Variants in ZFY observed in about 807,000 individuals in gnomAD.
ZFY encodes the protein zinc finger Y-chromosomal protein.
For missense variants in ZFY, 113 were observed against 170.9 expected (o/e 0.66, Z 1.89); for synonymous variants, 47 against 55.8 (o/e 0.84, Z 0.71).
intron 1 of ZFY, among the ~76,000 whole-genome samples, chrY:2,952,425 T>A: frequency 2.9e-5 from 1 of 33,905 alleles, no homozygotes; most frequent in Non-Finnish European, 7.3e-5. Flanking sequence ...GAAAAATTAA[T>A]GAAGCCAGAG....
chrY:2,980,195 T>C lies in ZFY; in HGVS notation c.*202T>C. On this transcript the variant is annotated 3_prime_UTR_variant, in exon 8 of 8. Transcript: ENST00000155093. The stretch of plus-strand genomic sequence containing the variant: ...AGTTTCTTTAATAGATGAGGAAAAA[T>C]AGCAACAAGCAAGTTGCTTATAATA... 6 of 144,990 alleles carry C rather than the reference T, an allele frequency of 4.1e-5. No homozygotes were observed. The highest frequency in any genetic ancestry group is 7.6e-5 in the Non-Finnish European group (6 of 78,825). 36.2% of individuals were successfully genotyped at this position (144,990 alleles called of 400,897 possible).
At chrY:2,940,331 C>G (rs994111122) in intron 1 of ZFY, among the ~76,000 whole-genome samples, 1 of 33,251 alleles carries the variant, frequency 3.0e-5, no homozygotes, top group Admixed American at 2.8e-4. Context: ...TAACCAAATC[C>G]TGCTTTATTG....
intron 2 of ZFY, among the ~76,000 whole-genome samples, chrY:2,956,149 TC>T: frequency 3.1e-5 from 1 of 32,526 alleles, no homozygotes; most frequent in South Asian, 6.9e-4. Context: ...TTTTGTTTTT[TC>T]TGAGGGTTCA....
rs751424571 is a variant in ZFY at position 2,961,152 on chromosome Y, A to G, written c.140A>G (p.Asp47Gly). 5.0e-6 allele frequency: 2 copies of G among 397,086 alleles called. No individual in the cohort carries two copies. Among genetic ancestry groups the G allele is most frequent in the Middle Eastern group, 5.9e-4 (1 of 1,705 alleles). The part of the protein sequence containing the change: ...QEAVFVSNIV[D>G]SDITVHNFVP... Reference sequence around the variant, plus strand: ...GCAGTTTTTGTTTCTAATATTGTGGATTCTGACATAACTGTGCATAACTTT... The same window carrying G: ...GCAGTTTTTGTTTCTAATATTGTGGGTTCTGACATAACTGTGCATAACTTT... The change falls in exon 3 of 8, where the codon GAT becomes GGT. Residue 47 changes from aspartate to glycine, a missense_variant. Coordinates refer to ENST00000155093, the MANE Select transcript of ZFY (RefSeq NM_003411.4).
intron 5 of ZFY, among the ~76,000 whole-genome samples, chrY:2,976,391 GAGCC>G (rs2051370727): frequency 3.1e-5 from 1 of 32,374 alleles, no homozygotes; most frequent in African/African-American, 1.2e-4. Context: ...TTACAGGCGT[GAGCC>G]ACTGTGCCCT....
At chrY:2,944,895 G>A in intron 1 of ZFY, among the ~76,000 whole-genome samples, 1 of 30,067 alleles carries the variant, frequency 3.3e-5, no homozygotes, top group South Asian at 7.6e-4. Flanking sequence ...TTACAGGCAT[G>A]GGCCACAATG....
intron 3 of ZFY, among the ~76,000 whole-genome samples, chrY:2,966,671 G>T (rs2051328796): frequency 3.0e-5 from 1 of 33,132 alleles, no homozygotes; most frequent in Non-Finnish European, 7.4e-5. Context: ...TGAATTACAA[G>T]GGATCCATGT....
At position 2,963,398 on chromosome Y, in the gene ZFY, G is replaced by T. The variant is rs756374038; in HGVS notation, c.634+1752G>T. On this transcript the variant is annotated intron_variant, in intron 3 of 7. Transcript: ENST00000155093. The stretch of plus-strand genomic sequence containing the variant: ...ACTGTTACACCCTAAGTGCTATTGA[G>T]ATCAACATGACCTCTTTATATACTC... 2.1e-4 allele frequency among the ~76,000 whole-genome samples: 7 copies of T among 33,144 alleles called. No individual in the cohort carries two copies. The East Asian group carries it at 5.4e-3, about 26-fold the overall frequency. The allele number at this position is 33,144 out of a possible 37,273, so 88.9% of individuals were successfully genotyped here. A position where few individuals can be genotyped will look rare whatever the true frequency, so the allele number is the denominator to read the frequency against.
At chrY:2,976,108 G>GT (rs776753668) in intron 5 of ZFY, among the ~76,000 whole-genome samples, 29 of 23,477 alleles carry the variant, frequency 1.2e-3, no homozygotes, top group African/African-American at 1.2e-3. Flanking sequence ...TACAAGGTGT[G>GT]TTTTTTTTTT....
At chrY:2,975,409 A>G (rs889853105) in intron 4 of ZFY, 102 bp from the exon 5 acceptor site, 8 of 326,288 alleles carry the variant, frequency 2.5e-5, no homozygotes, top group Middle Eastern at 7.0e-4. Flanking sequence ...CTTTTAAGAC[A>G]TATTTTTGAG....
chrY:2,975,558 G>A lies in ZFY; in HGVS notation c.832G>A (p.Val278Ile). The A allele has an allele frequency of 2.5e-6, 1 of 397,748 alleles. No homozygotes were observed. ...VESEPENDHG[V>I]ELLDQNSSIR... The stretch of plus-strand genomic sequence containing the variant: ...GAGTGAACCTGAAAATGATCATGGA[G>A]TTGAACTACTTGATCAGAACAGCAG... The change falls in exon 5 of 8, where the codon GTT becomes ATT. Residue 278 changes from valine (V) to isoleucine (I), a missense_variant. Transcript: ENST00000155093.
Position 2,981,171 on chromosome Y carries a change from T to C in ZFY, c.*1178T>C. ...CAAAGTAAGGAGGACTAAGGGAAAATGATGGTACCATGTAACAGAATGAGA... is the reference window on the plus strand; with the variant it reads ...CAAAGTAAGGAGGACTAAGGGAAAACGATGGTACCATGTAACAGAATGAGA... On this transcript the variant is annotated 3_prime_UTR_variant, in exon 8 of 8. Transcript: ENST00000155093. The C allele has an allele frequency of 3.0e-5, 1 of 32,896 alleles. No homozygotes were observed. Among genetic ancestry groups the C allele is most frequent in the African/African-American group, 1.2e-4 (1 of 8,497 alleles). 8.2% of individuals were successfully genotyped at this position (32,896 alleles called of 400,897 possible).
intron 2 of ZFY, among the ~76,000 whole-genome samples, chrY:2,954,793 A>G (rs2051288378): frequency 3.0e-5 from 1 of 32,787 alleles, no homozygotes; most frequent in African/African-American, 1.2e-4. Context: ...AAGAATATCC[A>G]TACTTTTAGC....
chrY:2,938,983 TTATATATATATA>T (rs765202788), intron 1 of ZFY, among the ~76,000 whole-genome samples: 237 of 5,214 alleles, frequency 0.045, no homozygotes, highest in South Asian at 0.18. Flanking sequence ...CATACAGTGC[TTATATATATATA>T]TATATATATA....
chrY:2,951,998 G>A, intron 1 of ZFY, among the ~76,000 whole-genome samples: 3 of 29,091 alleles, frequency 1.0e-4, no homozygotes, highest in African/African-American at 4.1e-4. Context: ...GGCCCACTGC[G>A]AGCTCCGTCT....
At chrY:2,956,896 G>T in intron 2 of ZFY, among the ~76,000 whole-genome samples, 1 of 32,544 alleles carries the variant, frequency 3.1e-5, no homozygotes, top group East Asian at 8.0e-4. Flanking sequence ...CATAACCAAG[G>T]GAGACAATTT....
rs2051398875 is a variant in ZFY, at chrY:2,981,434, TA to T, written c.*1443del. The T allele has an allele frequency of 3.0e-5, 1 of 33,665 alleles. No homozygotes were observed. The highest frequency in any genetic ancestry group is 1.1e-4 in the African/African-American group (1 of 8,711). 8.4% of individuals were successfully genotyped at this position (33,665 alleles called of 400,897 possible). ...GGATATAATATAAAATGAATTCATATAATTAAAAAGAATTTGGTTAATAAGA... is the reference window on the plus strand; with the variant it reads ...GGATATAATATAAAATGAATTCATATATTAAAAAGAATTTGGTTAATAAGA... On this transcript the variant is annotated 3_prime_UTR_variant, in exon 8 of 8. Coordinates refer to ENST00000155093, the MANE Select transcript of ZFY (RefSeq NM_003411.4).
chrY:2,948,152 T>C (rs1032734360), intron 1 of ZFY, among the ~76,000 whole-genome samples: 2 of 33,649 alleles, frequency 5.9e-5, no homozygotes, highest in Non-Finnish European at 1.5e-4. Flanking sequence ...TGGAATGAAG[T>C]CACAGATTAT....
In ZFY at chrY:2,980,137, A is replaced by G; in HGVS notation, c.*144A>G. ...TTGCTTCTAGTCCACTTTTCTTTAC[A>G]TTTTATTCAATACGCTGTCCTGAAT... On this transcript the variant is annotated 3_prime_UTR_variant, in exon 8 of 8. Transcript: ENST00000155093. 1 of 191,404 alleles carries G rather than the reference A, an allele frequency of 5.2e-6. No homozygotes were observed. Among genetic ancestry groups the G allele is most frequent in the South Asian group, 4.2e-5 (1 of 23,924 alleles). The allele number at this position is 191,404 out of a possible 400,897, so 47.7% of individuals were successfully genotyped here.
Sources: gnomAD v4.1 joint callset for allele counts (sites outside exome capture counted in the v4.1 genomes callset) on GRCh38, gnomAD v4.1.1 for gene constraint, MANE v1.5 for transcripts, NCBI Gene and HGNC (gene_info 2026-07-23, HGNC 2026-07-21) for gene names.